SLC24A3: variants seen among roughly 807,000 people sequenced by gnomAD.
SLC24A3 encodes sodium/potassium/calcium exchanger 3.
Under a neutral mutation model 75.8 loss-of-function variants are expected in SLC24A3, and 28 were observed. The observed-to-expected ratio is 0.37, with a 90% CI of 0.27 to 0.51. The LOEUF (loss-of-function observed/expected upper bound fraction) is 0.51, where lower values mean the gene tolerates loss of function less well. SLC24A3 is among the 20% of genes least tolerant of loss of function. The pLI is 0.94. For missense variants in SLC24A3, 663 were observed against 847.8 expected (o/e 0.78, Z 2.71); for synonymous variants, 372 against 334.1 (o/e 1.11, Z -1.24).
chr20:19,286,182 G>T (rs569616362), intron 2 of SLC24A3, among the ~76,000 whole-genome samples: 102 of 152,322 alleles, frequency 6.7e-4, no homozygotes, highest in Middle Eastern at 3.4e-3. Context: ...GGCTGGCAGG[G>T]CACTGCCCTA....
At chr20:19,568,759 C>T (rs1707839769) in intron 3 of SLC24A3, among the ~76,000 whole-genome samples, 1 of 152,100 alleles carries the variant, frequency 6.6e-6, no homozygotes, top group African/African-American at 2.4e-5. Context: ...TATGTTATGC[C>T]TATTTTACCA....
chr20:19,580,815 T>A (rs186002135), intron 4 of SLC24A3, among the ~76,000 whole-genome samples: 1 of 152,322 alleles, frequency 6.6e-6, no homozygotes, highest in Non-Finnish European at 1.5e-5. Flanking sequence ...CCAGAAGGCA[T>A]CTCCCCCAGA....
chr20:19,236,290 A>G (rs1376297627), intron 1 of SLC24A3, among the ~76,000 whole-genome samples: 1 of 152,092 alleles, frequency 6.6e-6, no homozygotes, highest in Non-Finnish European at 1.5e-5. Flanking sequence ...GGAGTGTGCA[A>G]GGGGTGTTGA....
intron 2 of SLC24A3, among the ~76,000 whole-genome samples, chr20:19,506,081 A>T (rs1002347940): frequency 2.0e-5 from 3 of 152,214 alleles, no homozygotes; most frequent in Non-Finnish European, 4.4e-5. Context: ...CATTTTGCAC[A>T]TTAACAATTA....
chr20:19,609,351 C>T (rs1369100707), intron 6 of SLC24A3, among the ~76,000 whole-genome samples: 1 of 151,346 alleles, frequency 6.6e-6, no homozygotes, highest in Admixed American at 6.6e-5. Flanking sequence ...TTCTGTCCTA[C>T]CACAATAGAG....
At chr20:19,289,930 G>A in intron 2 of SLC24A3, among the ~76,000 whole-genome samples, 1 of 152,174 alleles carries the variant, frequency 6.6e-6, no homozygotes, top group South Asian at 2.1e-4. Flanking sequence ...GGACTCTAAG[G>A]TTGCCTGTCT....
chr20:19,541,789 G>A (rs2030502429), intron 3 of SLC24A3, among the ~76,000 whole-genome samples: 1 of 152,186 alleles, frequency 6.6e-6, no homozygotes, highest in Admixed American at 6.5e-5. Context: ...CCACCCTTTC[G>A]GGGTTGGGCG....
At position 19,426,442 on chromosome 20, in the gene SLC24A3, A is replaced by G. The variant is rs889477415; in HGVS notation, c.272-89046A>G. The stretch of plus-strand genomic sequence containing the variant: ...GATTCAATTGTTTATATACAACTTT[A>G]GGCTTGTTTATCTTTGAATTTATTT... On this transcript the variant is annotated intron_variant, in intron 2 of 16. Coordinates refer to ENST00000328041, the MANE Select transcript of SLC24A3 (RefSeq NM_020689.4). 5.9e-5 allele frequency among the ~76,000 whole-genome samples: 9 copies of G among 152,216 alleles called. No individual in the cohort carries two copies. In the East Asian group the frequency reaches 1.3e-3, roughly 23 times the overall value.
At chr20:19,245,070 T>C (rs560724039) in intron 1 of SLC24A3, among the ~76,000 whole-genome samples, 21 of 152,128 alleles carry the variant, frequency 1.4e-4, no homozygotes, top group Non-Finnish European at 2.5e-4. Flanking sequence ...GACTGTATGG[T>C]AAATCCGCTT....
At chr20:19,499,397 G>A (rs1022589092) in intron 2 of SLC24A3, among the ~76,000 whole-genome samples, 3 of 152,124 alleles carry the variant, frequency 2.0e-5, no homozygotes, top group African/African-American at 7.2e-5. Flanking sequence ...TCTGGGTGAC[G>A]GACCTCTGAC....
rs1209922764 is a variant in SLC24A3 at position 19,477,379 on chromosome 20, A to T, written c.272-38109A>T. Among the ~76,000 whole-genome samples, 3 of 152,246 alleles carry T rather than the reference A, an allele frequency of 2.0e-5. No homozygotes were observed. The East Asian group carries it at 5.8e-4, about 29-fold the overall frequency. ...CAGGAATAACAAATCCAGGAGAAAG[A>T]GGCAGGTGTTTGCAACTGGTAGAAC... On this transcript the variant is annotated intron_variant, in intron 2 of 16. Transcript: ENST00000328041.
chr20:19,658,425 C>G (rs928761359), intron 7 of SLC24A3, among the ~76,000 whole-genome samples: 7 of 152,186 alleles, frequency 4.6e-5, no homozygotes, highest in Non-Finnish European at 7.3e-5. Context: ...ACAGTTCACT[C>G]GGACGGAGAC....
At chr20:19,576,229 T>G (rs1399449573) in intron 3 of SLC24A3, among the ~76,000 whole-genome samples, 1 of 152,198 alleles carries the variant, frequency 6.6e-6, no homozygotes, top group Non-Finnish European at 1.5e-5. Flanking sequence ...TAATATATCC[T>G]TTGAAAACAT....
intron 2 of SLC24A3, among the ~76,000 whole-genome samples, chr20:19,419,403 A>G (rs181610204): frequency 6.6e-6 from 1 of 151,786 alleles, no homozygotes; most frequent in East Asian, 1.9e-4. Context: ...AAGCCAGAAG[A>G]GAATATGTTT....
In SLC24A3 at chr20:19,217,781, G is replaced by T. The variant is rs543460883; in HGVS notation, c.142+4797G>T. On this transcript the variant is annotated intron_variant, in intron 1 of 16. Transcript: ENST00000328041. ...TCCTCAAAAGGTCTATGATTCTTCC[G>T]ATCTCAGATTCCTGGCGCTTGCTGG... 1.7e-4 allele frequency among the ~76,000 whole-genome samples: 26 copies of T among 152,132 alleles called. No individual in the cohort carries two copies. The South Asian group carries it at 4.8e-3, about 28-fold the overall frequency.
intron 3 of SLC24A3, among the ~76,000 whole-genome samples, chr20:19,525,872 C>T (rs772188538): frequency 2.6e-5 from 4 of 152,148 alleles, no homozygotes; most frequent in African/African-American, 4.8e-5. Flanking sequence ...TCCACAGGCG[C>T]GGCTGTGCGG....
chr20:19,639,375 C>A (rs2032042001), intron 6 of SLC24A3, among the ~76,000 whole-genome samples: 1 of 151,982 alleles, frequency 6.6e-6, no homozygotes, highest in Admixed American at 6.6e-5. Context: ...TCTCCAAGGC[C>A]CCACAAGAGT....
chr20:19,417,468 C>G (rs1167486352), intron 2 of SLC24A3, among the ~76,000 whole-genome samples: 3 of 152,140 alleles, frequency 2.0e-5, no homozygotes, highest in Non-Finnish European at 4.4e-5. Context: ...AGCGTGATAC[C>G]TCATCAGTGA....
intron 2 of SLC24A3, among the ~76,000 whole-genome samples, chr20:19,431,515 G>A (rs920637970): frequency 6.6e-6 from 1 of 152,040 alleles, no homozygotes; most frequent in African/African-American, 2.4e-5. Context: ...GTGGGTCTCA[G>A]TCACCCTTTG....
Sources: gnomAD v4.1 joint callset for allele counts (sites outside exome capture counted in the v4.1 genomes callset) on GRCh38, gnomAD v4.1.1 for gene constraint, MANE v1.5 for transcripts, NCBI Gene and HGNC (gene_info 2026-07-23, HGNC 2026-07-21) for gene names.